DPPA4: variants seen among roughly 807,000 people sequenced by gnomAD.
DPPA4 encodes the protein developmental pluripotency-associated protein 4.
DPPA4 carries 22 observed loss-of-function variants against 33.7 expected under a neutral mutation model. That is an observed-to-expected ratio of 0.65 (90% CI 0.47 to 0.93). The LOEUF is 0.93. Among genes scored for constraint, DPPA4 ranks in the 40% least tolerant of loss-of-function variants. The probability of loss-of-function intolerance (pLI) is 0.00; values close to 1 mark genes in which losing one functional copy is unlikely to be tolerated. For missense variants in DPPA4, 340 were observed against 358.6 expected (o/e 0.95, Z 0.42); for synonymous variants, 156 against 132.3 (o/e 1.18, Z -1.23).
Position 109,337,499 on chromosome 3 carries a change from A to C in DPPA4, c.19T>G (p.Ser7Ala). The C allele has an allele frequency of 6.2e-7, 1 of 1,614,162 alleles. No individual in the cohort carries two copies. Among genetic ancestry groups the C allele is most frequent in the Non-Finnish European group, 8.5e-7 (1 of 1,180,030 alleles). Residue 7 changes from serine (S) to alanine (A), a missense_variant, in exon 1 of 7, where the codon TCT becomes GCT. Ser to Ala is a moderately conservative substitution (Grantham distance 99). Around this residue, in one of 3 missense-constraint regions of DPPA4, gnomAD observed 96 missense variants for 91.8 expected, o/e 1.05. Transcript: ENST00000335658. The part of the protein sequence containing the change: MLRGSA[S>A]STSMEKAKGK... Reference sequence around the variant, plus strand: ...TTTGCCTTCTCCATACTTGTAGAAGAAGCGGAGCCTCGCAACATGCTTCCA... The same window carrying C: ...TTTGCCTTCTCCATACTTGTAGAAGCAGCGGAGCCTCGCAACATGCTTCCA...
At chr3:109,335,516 T>G (rs1047598094) in intron 1 of DPPA4, among the ~76,000 whole-genome samples, 1 of 151,958 alleles carries the variant, frequency 6.6e-6, no homozygotes, top group African/African-American at 2.4e-5. Context: ...GCAACTTCCA[T>G]CTCCCCGGTT....
At chr3:109,329,130 G>T (rs367838387) in intron 5 of DPPA4, 42 bp from the exon 6 acceptor site, 6 of 1,562,678 alleles carry the variant, frequency 3.8e-6, no homozygotes, top group Middle Eastern at 1.7e-4. Flanking sequence ...CGCACACCAG[G>T]ATGACATACT....
chr3:109,332,165 G>T, intron 2 of DPPA4, 134 bp from the exon 3 acceptor site: 3 of 698,588 alleles, frequency 4.3e-6, no homozygotes, highest in African/African-American at 1.8e-5. Flanking sequence ...GCAGTGGCGC[G>T]ATCTTGGCTC....
chr3:109,330,260 C>A, intron 5 of DPPA4: 1 of 385,102 alleles, frequency 2.6e-6, no homozygotes. Context: ...TGAGATCGCG[C>A]CACTGCACTC....
At chr3:109,338,951 G>C (rs191711587), upstream of DPPA4, among the ~76,000 whole-genome samples, 31 of 152,014 alleles carry the variant, frequency 2.0e-4, no homozygotes, top group South Asian at 2.1e-4. Context: ...CAGCACTTTG[G>C]GGGGCTGAGG....
At chr3:109,331,391 A>G (rs1371200794) in intron 4 of DPPA4, among the ~76,000 whole-genome samples, 1 of 151,150 alleles carries the variant, frequency 6.6e-6, no homozygotes, top group African/African-American at 2.4e-5. Flanking sequence ...TGGGAGGCCG[A>G]AGTGGGTGGA....
chr3:109,338,948 T>C (rs1268436228), upstream of DPPA4, among the ~76,000 whole-genome samples: 3 of 151,994 alleles, frequency 2.0e-5, no homozygotes, highest in Middle Eastern at 3.2e-3. Flanking sequence ...TCTCAGCACT[T>C]TGGGGGGCTG....
chr3:109,331,761 C>T lies in DPPA4; in HGVS notation c.363G>A (p.Leu121=). ...KGQKLDAYKR[L]CAFAYPNQKD... ...TTTGATTTGGGTAGGCAAAGGCACA[C>T]AGGCGCTTATATGCATCCAATTTCT... Residue 121 remains leucine (L), a synonymous_variant, in exon 4 of 7, where the codon CTG becomes CTA. Coordinates refer to ENST00000335658, the MANE Select transcript of DPPA4 (RefSeq NM_018189.4). The T allele has an allele frequency of 5.0e-6, 8 of 1,614,072 alleles. No individual in the cohort carries two copies. The highest frequency in any genetic ancestry group is 6.8e-6 in the Non-Finnish European group (8 of 1,180,022).
chr3:109,331,995 T>C lies in DPPA4; in HGVS notation c.215A>G (p.Asn72Ser), dbSNP rs1408031285. ...TGGTATCTTCTTCTGAGGTCTGGGG[T>C]TGTCAGTGTGCTCTGCCTTTTTCTT... The part of the protein sequence containing the change: ...CPKKKAEHTD[N>S]PRPQKKIPIP... Residue 72 changes from asparagine to serine, a missense_variant, in exon 3 of 7, where the codon AAC becomes AGC. By Grantham distance (46) the Asn-to-Ser change is conservative. Coordinates refer to ENST00000335658, the MANE Select transcript of DPPA4 (RefSeq NM_018189.4). 1 of 1,613,676 alleles carries C rather than the reference T, an allele frequency of 6.2e-7. No homozygotes were observed. The highest frequency in any genetic ancestry group is 2.2e-5 in the East Asian group (1 of 44,876).
chr3:109,337,314 G>C, intron 1 of DPPA4, 150 bp downstream of exon 1: 1 of 650,446 alleles, frequency 1.5e-6, no homozygotes, highest in Non-Finnish European at 2.7e-6. Context: ...TCATATTCTT[G>C]GGCCTTACTC....
At chr3:109,330,090 T>G (rs1708026305) in intron 5 of DPPA4, 1 of 198,292 alleles carries the variant, frequency 5.0e-6, no homozygotes, top group African/African-American at 2.4e-5. Context: ...TCATCTGAGG[T>G]CGGGAGTTCG....
intron 4 of DPPA4, 130 bp from the exon 5 acceptor site, chr3:109,330,942 T>C (rs974785389): frequency 2.3e-6 from 2 of 879,844 alleles, no homozygotes; most frequent in East Asian, 2.7e-5. Context: ...ATTGTACAAG[T>C]TGGTAACTAT....
chr3:109,330,300 C>CAAAAAAAAAAAAAAAAAAAA (rs71129042), intron 5 of DPPA4: 17 of 348,982 alleles, frequency 4.9e-5, no homozygotes, highest in African/African-American at 6.9e-5. Flanking sequence ...GAAACTGTCT[C>CAAAAAAAAAAAAAAAAAAAA]AAAAAAAAAA....
At chr3:109,334,645 C>T (rs6798929) in intron 1 of DPPA4, among the ~76,000 whole-genome samples, 64,875 of 151,928 alleles carry the variant, frequency 0.43, 14,858 homozygotes, top group East Asian at 0.72. Flanking sequence ...TTTTCTAACA[C>T]TGTTGGCAGA....
At chr3:109,336,766 G>A (rs1708223774) in intron 1 of DPPA4, among the ~76,000 whole-genome samples, 1 of 152,262 alleles carries the variant, frequency 6.6e-6, no homozygotes, top group East Asian at 1.9e-4. Flanking sequence ...AGTCCCAGTA[G>A]CACTTTGGTA....
chr3:109,333,900 T>C lies in DPPA4; in HGVS notation c.148A>G (p.Lys50Glu). 6.2e-7 allele frequency: 1 copy of C among 1,614,198 alleles called. No individual in the cohort carries two copies. The highest frequency in any genetic ancestry group is 8.5e-7 in the Non-Finnish European group (1 of 1,180,012). ...ALPGTSAKRT[K>E]EKMSIKGSKV... ...CTGCCTTTGATAGACATTTTTTCTT[T>C]GGTTCTCTTTGCTGATGTTCCTGGC... Residue 50 changes from lysine (K) to glutamate (E), a missense_variant, in exon 2 of 7, where the codon AAA becomes GAA. By Grantham distance (56) the Lys-to-Glu change is moderately conservative (BLOSUM62 1). Coordinates refer to ENST00000335658, the MANE Select transcript of DPPA4 (RefSeq NM_018189.4).
intron 2 of DPPA4, 94 bp downstream of exon 2, chr3:109,333,776 T>C: frequency 6.8e-7 from 1 of 1,460,076 alleles, no homozygotes; most frequent in Non-Finnish European, 9.4e-7. Context: ...CAATACATGA[T>C]GGAAATTTCT....
At chr3:109,330,348 AATGC>A in intron 5 of DPPA4, 172 bp downstream of exon 5, 1 of 586,828 alleles carries the variant, frequency 1.7e-6, no homozygotes, top group Non-Finnish European at 3.0e-6. Context: ...AAAAAAAAGA[AATGC>A]AAATAAATGC....
Position 109,328,135 on chromosome 3 carries a change from A to G in DPPA4, c.879-111T>C, listed in dbSNP as rs1048423341. On this transcript the variant is annotated intron_variant, in intron 6 of 6. Transcript: ENST00000335658. ...AAATTGCCCTTACAACTTTAGGATC[A>G]TAGGTAGCAAGCCTGTGATCCTGTC... 5.6e-6 allele frequency: 4 copies of G among 708,450 alleles called. No homozygotes were observed. In the African/African-American group the frequency reaches 7.2e-5, roughly 13 times the overall value. The allele number at this position is 708,450 out of a possible 1,614,324, so 43.9% of individuals were successfully genotyped here.
Sources: allele counts gnomAD v4.1 joint callset (sites outside exome capture counted in the v4.1 genomes callset), GRCh38; gene constraint gnomAD v4.1.1; regional missense constraint gnomAD v4.1.1; transcripts MANE v1.5; gene names NCBI Gene and HGNC (gene_info 2026-07-23, HGNC 2026-07-21).